CTNND2: variants seen among roughly 807,000 people sequenced by gnomAD.
The protein encoded by CTNND2 is catenin delta 2.
CTNND2 carries 22 observed loss-of-function variants against 144.4 expected under a neutral mutation model. The observed-to-expected ratio is 0.15, with a 90% CI of 0.11 to 0.22. CTNND2 has a LOEUF of 0.22. Ranked by LOEUF, CTNND2 falls within the 10% of genes least tolerant of loss-of-function variation. The pLI is 1.00. For synonymous variants in CTNND2, 751 were observed against 695.6 expected (o/e 1.08, Z -1.25); for missense variants, 1,353 against 1,618.8 (o/e 0.84, Z 2.82).
intron 21 of CTNND2, among the ~76,000 whole-genome samples, chr5:10,977,515 C>A (rs931985021): frequency 1.3e-5 from 2 of 151,646 alleles, no homozygotes; most frequent in Middle Eastern, 3.4e-3. Flanking sequence ...TGCAGTAGTG[C>A]AATTATGGCT....
chr5:11,493,607 T>C (rs1769658394), intron 3 of CTNND2, among the ~76,000 whole-genome samples: 1 of 152,230 alleles, frequency 6.6e-6, no homozygotes, highest in African/African-American at 2.4e-5. Flanking sequence ...TATAATTGTC[T>C]AGAAGTCATG....
intron 7 of CTNND2, among the ~76,000 whole-genome samples, chr5:11,373,091 T>C (rs1025821468): frequency 1.3e-5 from 2 of 152,248 alleles, no homozygotes; most frequent in African/African-American, 2.4e-5. Flanking sequence ...GTGCTGGCCA[T>C]GACAACTGTG....
At position 11,125,702 on chromosome 5, in the gene CTNND2, T is replaced by C. The variant is rs190668178; in HGVS notation, c.2160-8135A>G. On this transcript the variant is annotated intron_variant, in intron 12 of 21. Coordinates refer to ENST00000304623, the MANE Select transcript of CTNND2 (RefSeq NM_001332.4). ...AAGAACAGAAGGTTTCACAGTAGCA[T>C]TGGCAATTTTAGTCATTTATTTTTT... Among the ~76,000 whole-genome samples the C allele has an allele frequency of 6.5e-4, 99 of 152,356 alleles. No individual in the cohort carries two copies. In the Middle Eastern group the frequency reaches 0.014, roughly 21 times the overall value.
At chr5:11,317,693 T>A (rs1751651424) in intron 9 of CTNND2, among the ~76,000 whole-genome samples, 1 of 152,242 alleles carries the variant, frequency 6.6e-6, no homozygotes, top group Non-Finnish European at 1.5e-5. Flanking sequence ...AATACTATTT[T>A]TTTTTATAAT....
chr5:11,517,795 G>T (rs1001254952), intron 3 of CTNND2, among the ~76,000 whole-genome samples: 17 of 151,086 alleles, frequency 1.1e-4, no homozygotes, highest in African/African-American at 4.1e-4. Flanking sequence ...AAAATAAAAA[G>T]AAAATAATAA....
Position 11,297,270 on chromosome 5 carries a change from T to C in CTNND2, c.1628+49102A>G, listed in dbSNP as rs574182280. ...CTTTAAGGAACTAAAACTTGTAGAG[T>C]TTTGGTATAGTATCAAATAATAACC... On this transcript the variant is annotated intron_variant, in intron 9 of 21. Coordinates refer to ENST00000304623, the MANE Select transcript of CTNND2 (RefSeq NM_001332.4). 3.3e-4 allele frequency among the ~76,000 whole-genome samples: 50 copies of C among 152,312 alleles called. No individual in the cohort carries two copies. In the Middle Eastern group the frequency reaches 0.024, roughly 73 times the overall value.
chr5:11,397,712 T>G (rs1286126042), intron 5 of CTNND2, among the ~76,000 whole-genome samples: 3 of 152,158 alleles, frequency 2.0e-5, no homozygotes, highest in Admixed American at 1.3e-4. Flanking sequence ...TTTAAAATAT[T>G]AATAGCTCTT....
At chr5:11,755,577 C>T (rs1293965800) in intron 1 of CTNND2, among the ~76,000 whole-genome samples, 3 of 151,168 alleles carry the variant, frequency 2.0e-5, no homozygotes, top group East Asian at 1.9e-4. Flanking sequence ...TCAGGGACAC[C>T]GATGAGTCAT....
chr5:11,014,456 C>A (rs764589882), intron 18 of CTNND2, among the ~76,000 whole-genome samples: 2 of 152,148 alleles, frequency 1.3e-5, no homozygotes, highest in African/African-American at 4.8e-5. Flanking sequence ...GTTCTATTTG[C>A]GGTTATCTAA....
At chr5:11,723,741 T>G (rs970203937) in intron 2 of CTNND2, among the ~76,000 whole-genome samples, 5 of 151,942 alleles carry the variant, frequency 3.3e-5, no homozygotes, top group Admixed American at 6.6e-5. Flanking sequence ...TCCAATAAGC[T>G]TAGGTGAGAG....
At chr5:11,549,849 C>T (rs183209086) in intron 3 of CTNND2, among the ~76,000 whole-genome samples, 2 of 152,200 alleles carry the variant, frequency 1.3e-5, no homozygotes, top group East Asian at 3.9e-4. Context: ...AAGAACATTG[C>T]TGTACTCTAG....
intron 9 of CTNND2, among the ~76,000 whole-genome samples, chr5:11,319,319 T>G (rs1413431215): frequency 1.3e-5 from 2 of 152,180 alleles, no homozygotes; most frequent in African/African-American, 4.8e-5. Context: ...AAGTATTTGT[T>G]GAATAAAGAA....
intron 3 of CTNND2, among the ~76,000 whole-genome samples, chr5:11,422,377 T>C (rs1762440660): frequency 6.6e-6 from 1 of 152,128 alleles, no homozygotes; most frequent in African/African-American, 2.4e-5. Context: ...ATAAAGACCA[T>C]TTGCTATTTT....
intron 8 of CTNND2, among the ~76,000 whole-genome samples, chr5:11,353,205 T>C (rs1041819913): frequency 6.6e-6 from 1 of 152,132 alleles, no homozygotes; most frequent in Non-Finnish European, 1.5e-5. Context: ...TCTCATTTAA[T>C]GCTCACAACA....
At chr5:11,520,065 C>A (rs1165352098) in intron 3 of CTNND2, among the ~76,000 whole-genome samples, 2 of 148,906 alleles carry the variant, frequency 1.3e-5, no homozygotes, top group South Asian at 4.2e-4. Flanking sequence ...GAGAATCACT[C>A]GAACCCAGGA....
chr5:11,059,289 T>A (rs992414895), intron 16 of CTNND2, among the ~76,000 whole-genome samples: 5 of 152,218 alleles, frequency 3.3e-5, no homozygotes, highest in Admixed American at 1.3e-4. Flanking sequence ...GGGAGGTAAC[T>A]GAATCATGGG....
At chr5:11,421,241 A>G (rs1762338435) in intron 3 of CTNND2, among the ~76,000 whole-genome samples, 1 of 152,186 alleles carries the variant, frequency 6.6e-6, no homozygotes, top group Non-Finnish European at 1.5e-5. Context: ...TCCAGTTCTG[A>G]GAAGTTCCCT....
chr5:11,869,744 A>G (rs1795937866), intron 1 of CTNND2, among the ~76,000 whole-genome samples: 1 of 152,240 alleles, frequency 6.6e-6, no homozygotes. Context: ...GCTTTAATGC[A>G]ATAAAAACAG....
intron 9 of CTNND2, among the ~76,000 whole-genome samples, chr5:11,238,252 C>T (rs1370847145): frequency 6.6e-6 from 1 of 152,144 alleles, no homozygotes; most frequent in Non-Finnish European, 1.5e-5. Flanking sequence ...ACCTCCAAGA[C>T]CACAGGTAAA....
Sources: allele counts gnomAD v4.1 joint callset (sites outside exome capture counted in the v4.1 genomes callset), GRCh38; gene constraint gnomAD v4.1.1; transcripts MANE v1.5; gene names NCBI Gene and HGNC (gene_info 2026-07-23, HGNC 2026-07-21).